BIN1: variants seen among roughly 807,000 people sequenced by gnomAD.
BIN1 encodes myc box-dependent-interacting protein 1.
In BIN1, 53 loss-of-function variants were observed where a neutral mutation model predicts 82.0. The ratio of observed to expected loss-of-function variants is 0.65; its 90% confidence interval spans 0.52 to 0.81. BIN1 has a LOEUF of 0.81. BIN1 is among the 40% of genes least tolerant of loss of function. BIN1 has a pLI of 0.00. For synonymous variants in BIN1, 302 were observed against 328.0 expected (o/e 0.92, Z 0.86); for missense variants, 642 against 784.4 (o/e 0.82, Z 2.17).
At position 127,068,865 on chromosome 2, in the gene BIN1, G is replaced by T; in HGVS notation, c.519+59C>A. 6.6e-7 allele frequency: 1 copy of T among 1,520,514 alleles called. No homozygotes were observed. The highest frequency in any genetic ancestry group is 1.1e-5 in the South Asian group (1 of 89,064). 94.2% of individuals were successfully genotyped at this position (1,520,514 alleles called of 1,614,324 possible). On this transcript the variant is annotated intron_variant, in intron 6 of 18. Coordinates refer to ENST00000316724, the MANE Select transcript of BIN1 (RefSeq NM_139343.3). This position sits in a 1 kb window ranked among gnomAD's most constrained non-coding sequence, Gnocchi z 4.9. ...GGAAGCCTCCACCCTCGGGGTCCTA[G>T]ACACCCGCCCTCTCTCAGCCCCCTG...
intron 2 of BIN1, among the ~76,000 whole-genome samples, chr2:127,073,950 C>T (rs946985013): frequency 1.3e-5 from 2 of 152,156 alleles, no homozygotes; most frequent in African/African-American, 2.4e-5. Context: ...CTGTGACCAG[C>T]GCCAGGTGGG....
chr2:127,063,826 C>G, intron 8 of BIN1, 107 bp downstream of exon 8: 1 of 1,493,720 alleles, frequency 6.7e-7, no homozygotes, highest in Non-Finnish European at 9.3e-7. Context: ...AGCACGCAGA[C>G]TGGACACCGC....
chr2:127,063,935 G>A lies in BIN1; in HGVS notation c.696C>T (p.Asn232=). Residue 232 remains asparagine (N), a splice_region_variant and synonymous_variant, in exon 8 of 19, where the codon AAC becomes AAT. Coordinates refer to ENST00000316724, the MANE Select transcript of BIN1 (RefSeq NM_139343.3). The stretch of plus-strand genomic sequence containing the variant: ...CTGGGCACCGTGCTGGGCCTCACCT[G>A]TTCCACAGGGACGGCAGCTCCTCCT... ...DLQEELPSLW[N]SRVGFYVNTF... is the part of the protein sequence containing the mutation. 3 of 1,613,746 alleles carry A rather than the reference G, an allele frequency of 1.9e-6. No homozygotes were observed. Among genetic ancestry groups the A allele is most frequent in the Non-Finnish European group, 2.5e-6 (3 of 1,179,984 alleles).
At chr2:127,078,760 C>A (rs572196983) in intron 1 of BIN1, among the ~76,000 whole-genome samples, 2 of 152,302 alleles carry the variant, frequency 1.3e-5, no homozygotes, top group East Asian at 1.9e-4. Flanking sequence ...CAGAAGGGAC[C>A]CCCCAGAAAG....
chr2:127,103,703 G>A (rs146383486), intron 1 of BIN1, among the ~76,000 whole-genome samples: 14 of 152,200 alleles, frequency 9.2e-5, no homozygotes, highest in South Asian at 4.1e-4. Flanking sequence ...CTCCCCAGGC[G>A]CCCCATCCCG....
intron 14 of BIN1, chr2:127,052,639 T>C: frequency 2.1e-6 from 1 of 486,596 alleles, no homozygotes. Flanking sequence ...AGGCTGGCTC[T>C]TTCTGGCTTC....
chr2:127,089,288 C>T (rs1678598469), intron 1 of BIN1, among the ~76,000 whole-genome samples: 1 of 152,100 alleles, frequency 6.6e-6, no homozygotes, highest in South Asian at 2.1e-4. Flanking sequence ...TAAAACCCAG[C>T]ATGGAACGTG....
chr2:127,098,138 A>T (rs1679832945), intron 1 of BIN1, among the ~76,000 whole-genome samples: 1 of 152,204 alleles, frequency 6.6e-6, no homozygotes, highest in African/African-American at 2.4e-5. Context: ...GCCTCTACCC[A>T]GGTGATCTGC....
chr2:127,054,299 G>T, intron 12 of BIN1: 2 of 463,134 alleles, frequency 4.3e-6, no homozygotes, highest in Non-Finnish European at 8.0e-6. Flanking sequence ...CCAGTCATAG[G>T]TCCGCCCGTG....
chr2:127,077,335 C>G (rs1351295396), intron 1 of BIN1, among the ~76,000 whole-genome samples: 1 of 150,498 alleles, frequency 6.6e-6, no homozygotes, highest in Non-Finnish European at 1.5e-5. Context: ...CACACACACA[C>G]ACAAAACACA....
intron 9 of BIN1, among the ~76,000 whole-genome samples, chr2:127,062,752 T>G (rs947944611): frequency 1.3e-5 from 2 of 152,248 alleles, no homozygotes; most frequent in African/African-American, 4.8e-5. Flanking sequence ...ACAGACTAAT[T>G]TTATATAAAT....
intron 10 of BIN1, chr2:127,060,579 GCACT>G: frequency 5.6e-6 from 9 of 1,614,086 alleles, no homozygotes; most frequent in Non-Finnish European, 7.6e-6. Context: ...CCCCTCCGCA[GCACT>G]CACTGCCGGT....
At chr2:127,087,648 AGGAAC>A (rs944018237) in intron 1 of BIN1, among the ~76,000 whole-genome samples, 1 of 152,222 alleles carries the variant, frequency 6.6e-6, no homozygotes, top group African/African-American at 2.4e-5. Flanking sequence ...ACGGCAGAGC[AGGAAC>A]CGCTCATCCA....
chr2:127,060,744 A>C (rs1558814452), intron 10 of BIN1: 1 of 1,428,106 alleles, frequency 7.0e-7, no homozygotes. Flanking sequence ...CTCAGAGGAC[A>C]AAGGGGCAAA....
chr2:127,096,105 C>G (rs1679571442), intron 1 of BIN1, among the ~76,000 whole-genome samples: 1 of 152,196 alleles, frequency 6.6e-6, no homozygotes, highest in Non-Finnish European at 1.5e-5. Flanking sequence ...ACCTCCACCC[C>G]CAGCCCTGTG....
At chr2:127,081,883 A>G (rs751822063) in intron 1 of BIN1, 1 of 1,285,448 alleles carries the variant, frequency 7.8e-7, no homozygotes, top group South Asian at 1.2e-5. Flanking sequence ...CGGGCTGAGA[A>G]GTGAGCCCTG....
At chr2:127,074,895 G>A (rs1040270479) in intron 2 of BIN1, among the ~76,000 whole-genome samples, 2 of 152,166 alleles carry the variant, frequency 1.3e-5, no homozygotes, top group Non-Finnish European at 1.5e-5. Flanking sequence ...TAGAGGCGGG[G>A]TTTCACCATA....
rs1470654878 is a variant in BIN1 at position 127,057,575 on chromosome 2, C to T, written c.1029G>A (p.Pro343=). ...SQLRKGPPVP[P]PPKHTPSKEV... Reference sequence around the variant, plus strand: ...CCTTGGACGGGGTGTGTTTGGGAGGCGGAGGGACTGGTGGGCCTTTCCGGA... The same window carrying T: ...CCTTGGACGGGGTGTGTTTGGGAGGTGGAGGGACTGGTGGGCCTTTCCGGA... The change falls in exon 12 of 19, where the codon CCG becomes CCA. Residue 343 remains proline (P), a synonymous_variant. Coordinates refer to ENST00000316724, the MANE Select transcript of BIN1 (RefSeq NM_139343.3). The surrounding 1 kb of genome is among the most constrained non-coding windows in gnomAD (Gnocchi z 5.0). 4.6e-6 allele frequency: 7 copies of T among 1,537,928 alleles called. No individual in the cohort carries two copies. In the Admixed American group the frequency reaches 6.0e-5, roughly 13 times the overall value.
chr2:127,052,140 C>T, intron 15 of BIN1, 115 bp downstream of exon 15: 3 of 1,121,058 alleles, frequency 2.7e-6, no homozygotes, highest in Admixed American at 2.0e-5. Flanking sequence ...CTGTCCTCAC[C>T]CTCACATCCA....
Sources: allele counts gnomAD v4.1 joint callset (sites outside exome capture counted in the v4.1 genomes callset), GRCh38; gene constraint gnomAD v4.1.1; non-coding constraint Gnocchi (gnomAD v3.1); transcripts MANE v1.5; gene names NCBI Gene and HGNC (gene_info 2026-07-23, HGNC 2026-07-21).